The following TOP3B variants were observed in gnomAD, a reference collection of about 807,000 sequenced individuals.
The protein encoded by TOP3B is DNA topoisomerase III beta.
A neutral mutation model predicts 93.9 loss-of-function variants in TOP3B; 45 were observed. The ratio of observed to expected loss-of-function variants is 0.48; its 90% CI spans 0.38 to 0.61. The LOEUF is 0.61. Ranked by LOEUF, TOP3B falls within the 20% of genes least tolerant of loss-of-function variation. TOP3B has a pLI of 0.00. For missense variants in TOP3B, 750 were observed against 1,156.1 expected (o/e 0.65, Z 5.09); for synonymous variants, 357 against 472.6 (o/e 0.76, Z 3.17).
intron 1 of TOP3B, chr22:21,976,961 G>T (rs1279372910): frequency 6.6e-6 from 1 of 152,188 alleles, no homozygotes; most frequent in Admixed American, 6.5e-5. Flanking sequence ...ATCTAGCAAA[G>T]GTTTGAGTAG....
chr22:21,962,178 C>G, intron 13 of TOP3B: 1 of 1,429,464 alleles, frequency 7.0e-7, no homozygotes, highest in Non-Finnish European at 9.2e-7. Context: ...GGTGTGTGCA[C>G]ACCCCACAGT....
intron 3 of TOP3B, 157 bp from the exon 4 acceptor site, chr22:21,972,875 A>G (rs2071700685): frequency 3.1e-6 from 2 of 648,734 alleles, no homozygotes; most frequent in African/African-American, 3.7e-5. Context: ...CAGAGCCAGG[A>G]TGTGGGTTCA....
chr22:21,974,599 A>G (rs2071782448), intron 2 of TOP3B, 111 bp from the exon 3 acceptor site: 1 of 1,254,074 alleles, frequency 8.0e-7, no homozygotes, highest in Non-Finnish European at 1.1e-6. Flanking sequence ...CCTTCCCCAG[A>G]GTGGTGAGTG....
At position 21,959,143 on chromosome 22, in the gene TOP3B, T is replaced by G; in HGVS notation, c.1894A>C (p.Lys632Gln). 1 of 1,613,866 alleles carries G rather than the reference T, an allele frequency of 6.2e-7. No individual in the cohort carries two copies. The highest frequency in any genetic ancestry group is 1.1e-5 in the South Asian group (1 of 91,080). The change falls in exon 16 of 18, where the codon AAG becomes CAG. Residue 632 changes from lysine (K) to glutamine (Q), a missense_variant. Transcript: ENST00000357179. ...SRCGKCHRFM[K>Q]YIQAKPSRLH... is the part of the protein sequence containing the mutation. ...TTCCCTGCACCTACCTGGATGTACT[T>G]CATGAAGCGGTGGCACTTCCCACAG... is the stretch of plus-strand genomic sequence containing the variant.
At chr22:21,964,672 T>G in intron 9 of TOP3B, 2 of 271,402 alleles carry the variant, frequency 7.4e-6, no homozygotes, top group Non-Finnish European at 7.1e-6. Flanking sequence ...GCCATAACCA[T>G]ACCTCGGGGT....
chr22:21,974,110 G>A lies in TOP3B; in HGVS notation c.202+247C>T, dbSNP rs911600489. On this transcript the variant is annotated intron_variant, in intron 3 of 17. Transcript: ENST00000357179. ...AGGTGCTGCCACTTTGTCTACATAG[G>A]AAGGCACACAGGGAATGCAGCGACT... The A allele has an allele frequency of 7.7e-6, 3 of 389,400 alleles. No homozygotes were observed. In the Admixed American group the frequency reaches 1.2e-4, roughly 16 times the overall value. The allele number at this position is 389,400 out of a possible 1,614,324, so 24.1% of individuals were successfully genotyped here.
intron 3 of TOP3B, chr22:21,974,107 T>A (rs2071759166): frequency 2.6e-6 from 1 of 378,836 alleles, no homozygotes; most frequent in Non-Finnish European, 4.9e-6. Context: ...TTTGTCTACA[T>A]AGGAAGGCAC....
At position 21,971,942 on chromosome 22, in the gene TOP3B, T is replaced by C; in HGVS notation, c.319A>G (p.Arg107Gly). The change falls in exon 5 of 18, where the codon AGA becomes GGA. Residue 107 changes from arginine to glycine, a missense_variant. This residue lies in a region of TOP3B where 737 missense variants were observed against 933.7 expected (regional missense o/e 0.79). Transcript: ENST00000357179. This position sits in a 1 kb window ranked among gnomAD's most constrained non-coding sequence, Gnocchi z 4.6. ...CACAGCACGATGTAGTCGCAGCCTC[T>C]GCCCTCCACCTGCCACACAGCACAG... ...NMVKFLQVEG[R>G]GCDYIVLWLD... The C allele has an allele frequency of 6.2e-7, 1 of 1,612,930 alleles. No individual in the cohort carries two copies. The highest frequency in any genetic ancestry group is 1.3e-5 in the African/African-American group (1 of 74,750).
Position 21,970,958 on chromosome 22 carries a change from G to A in TOP3B, c.385-552C>T. Reference sequence around the variant, plus strand: ...GGCAGCTCGGGCTAAAGCACAGCAGGGGTCCTGGAGCCGAGACTCACTAGG... The same window carrying A: ...GGCAGCTCGGGCTAAAGCACAGCAGAGGTCCTGGAGCCGAGACTCACTAGG... On this transcript the variant is annotated intron_variant, in intron 5 of 17. Coordinates refer to ENST00000357179, the MANE Select transcript of TOP3B (RefSeq NM_001282112.2). The surrounding 1 kb of genome is among the most constrained non-coding windows in gnomAD (Gnocchi z 4.4). The A allele has an allele frequency of 1.6e-6, 2 of 1,212,626 alleles. No individual in the cohort carries two copies. Among genetic ancestry groups the A allele is most frequent in the East Asian group, 6.2e-5 (1 of 16,114 alleles). 75.1% of individuals were successfully genotyped at this position (1,212,626 alleles called of 1,614,324 possible). A position where few individuals can be genotyped will look rare whatever the true frequency, so the allele number is the denominator to read the frequency against.
chr22:21,964,472 G>A (rs2071335417), intron 9 of TOP3B, 157 bp from the exon 10 acceptor site: 5 of 807,092 alleles, frequency 6.2e-6, no homozygotes, highest in East Asian at 2.7e-5. Flanking sequence ...GCTGCTGGCC[G>A]GGTGGGCACC....
At chr22:21,978,928 G>A (rs988852644) in intron 1 of TOP3B, among the ~76,000 whole-genome samples, 8 of 152,170 alleles carry the variant, frequency 5.3e-5, no homozygotes, top group Non-Finnish European at 8.8e-5. Context: ...TGCCGGAGGG[G>A]AAGGAACTGC....
chr22:21,965,353 T>A lies in TOP3B; in HGVS notation c.875A>T (p.Glu292Val). 1 of 1,606,396 alleles carries A rather than the reference T, an allele frequency of 6.2e-7. No homozygotes were observed. Reference protein sequence around the residue: ...EAQVEATSRKEKAKQRPLALN... With the variant: ...EAQVEATSRKVKAKQRPLALN... ...GGCCAGGGGCCTCTGCTTGGCCTTT[T>A]CTTTCCTGCTTGTGGCCTCCACCTG... The change falls in exon 9 of 18, where the codon GAA becomes GTA. Residue 292 changes from glutamate (E) to valine (V), a missense_variant. Around this residue, in one of 4 missense-constraint regions of TOP3B, gnomAD observed 737 missense variants for 933.7 expected, o/e 0.79. Transcript: ENST00000357179.
At chr22:21,968,512 A>C in intron 7 of TOP3B, 107 bp downstream of exon 7, 1 of 1,438,480 alleles carries the variant, frequency 7.0e-7, no homozygotes, top group Non-Finnish European at 9.5e-7. Context: ...AGCCGTCCAC[A>C]CTTCTGCCCT....
intron 4 of TOP3B, 146 bp downstream of exon 4, chr22:21,972,466 G>A (rs1182039999): frequency 3.3e-6 from 2 of 613,424 alleles, no homozygotes; most frequent in African/African-American, 1.9e-5. Context: ...GTGCCTCGTG[G>A]GCCAGCAGGG....
intron 14 of TOP3B, chr22:21,960,118 G>T: frequency 1.3e-6 from 1 of 785,778 alleles, no homozygotes; most frequent in Non-Finnish European, 2.0e-6. Flanking sequence ...CATCTGTTCA[G>T]CCTTCAAACA....
chr22:21,975,554 C>T (rs2071831044), intron 2 of TOP3B, 86 bp downstream of exon 2: 2 of 1,433,174 alleles, frequency 1.4e-6, no homozygotes, highest in East Asian at 2.5e-5. Context: ...TCTACCCCAG[C>T]CAGGGTGGAA....
At chr22:21,962,648 CG>C in intron 12 of TOP3B, 46 bp from the exon 13 acceptor site, 1 of 1,604,706 alleles carries the variant, frequency 6.2e-7, no homozygotes, top group Non-Finnish European at 8.5e-7. Context: ...CCTGGGTGGC[CG>C]GGGCCTCAGA....
rs779203771 is a variant in TOP3B at position 21,959,717 on chromosome 22, G to A, written c.1674C>T (p.Pro558=). 1.2e-6 allele frequency: 2 copies of A among 1,613,126 alleles called. No individual in the cohort carries two copies. The highest frequency in any genetic ancestry group is 1.3e-5 in the African/African-American group (1 of 74,910). The part of the protein sequence containing the change: ...YYKIDAELVL[P]TIRSAVEKQL... Reference sequence around the variant, plus strand: ...GCTTCTCCACTGCACTGCGGATGGTGGGGAGCACCAGCTCTGCATCTGCAA... The same window carrying A: ...GCTTCTCCACTGCACTGCGGATGGTAGGGAGCACCAGCTCTGCATCTGCAA... The change falls in exon 15 of 18, where the codon CCC becomes CCT. Residue 558 remains proline, a synonymous_variant. Transcript: ENST00000357179.
rs1023417220 is a variant in TOP3B, at chr22:21,958,889, T to A, written c.1906-196A>T. ...AGTTCTAAAATCTCTGTGTGTACATTAATGCCCATGATGGCAAGTGGCATG... is the reference window on the plus strand; with the variant it reads ...AGTTCTAAAATCTCTGTGTGTACATAAATGCCCATGATGGCAAGTGGCATG... On this transcript the variant is annotated intron_variant, in intron 16 of 17. Coordinates refer to ENST00000357179, the MANE Select transcript of TOP3B (RefSeq NM_001282112.2). 4 of 1,084,382 alleles carry A rather than the reference T, an allele frequency of 3.7e-6. No homozygotes were observed. In the African/African-American group the frequency reaches 4.8e-5, roughly 13 times the overall value. The allele number at this position is 1,084,382 out of a possible 1,614,324, so 67.2% of individuals were successfully genotyped here.
Sources: allele counts gnomAD v4.1 joint callset (sites outside exome capture counted in the v4.1 genomes callset), GRCh38; gene constraint gnomAD v4.1.1; regional missense constraint gnomAD v4.1.1; non-coding constraint Gnocchi (gnomAD v3.1); transcripts MANE v1.5; gene names NCBI Gene and HGNC (gene_info 2026-07-23, HGNC 2026-07-21).